Variants in COL23A1 observed in about 807,000 individuals in gnomAD.
COL23A1 encodes the protein collagen alpha-1(XXIII) chain.
A neutral mutation model predicts 99.3 loss-of-function variants in COL23A1; 97 were observed. The observed-to-expected ratio is 0.98, with a 90% CI of 0.83 to 1.16. The LOEUF is 1.16. Among genes scored for constraint, COL23A1 ranks in the 50% most tolerant of loss-of-function variants. The pLI, the probability that COL23A1 is intolerant of heterozygous loss-of-function variation, is 0.00. For missense variants in COL23A1, 762 were observed against 757.4 expected (o/e 1.01, Z -0.07); for synonymous variants, 320 against 308.2 (o/e 1.04, Z -0.40).
chr5:178,263,559 C>T (rs1765753175), intron 8 of COL23A1, among the ~76,000 whole-genome samples: 1 of 152,174 alleles, frequency 6.6e-6, no homozygotes, highest in African/African-American at 2.4e-5. Context: ...AAGGAATGTG[C>T]CAGCTCTCCA....
chr5:178,286,607 A>T (rs1160466499), intron 5 of COL23A1, among the ~76,000 whole-genome samples: 1 of 152,190 alleles, frequency 6.6e-6, no homozygotes, highest in Non-Finnish European at 1.5e-5. Context: ...TGAGCTGCAG[A>T]GATGAGAGCC....
At chr5:178,535,118 G>A (rs73342699) in intron 2 of COL23A1, among the ~76,000 whole-genome samples, 2,083 of 151,808 alleles carry the variant, frequency 0.014, 49 homozygotes, top group African/African-American at 0.048. Context: ...GATTACAGGC[G>A]CCTGCTACCA....
intron 2 of COL23A1, among the ~76,000 whole-genome samples, chr5:178,471,223 G>A (rs1263466031): frequency 1.4e-5 from 2 of 145,612 alleles, no homozygotes; most frequent in African/African-American, 5.0e-5. Context: ...TCACCCCTGA[G>A]TAATCATGCG....
At chr5:178,358,281 TGC>T (rs1364887418) in intron 2 of COL23A1, among the ~76,000 whole-genome samples, 11 of 149,006 alleles carry the variant, frequency 7.4e-5, no homozygotes, top group African/African-American at 2.5e-4. Context: ...TATGTGTGTA[TGC>T]GTGTGCGTAT....
chr5:178,538,372 G>A (rs1562066900), intron 2 of COL23A1, among the ~76,000 whole-genome samples: 2 of 152,078 alleles, frequency 1.3e-5, no homozygotes, highest in South Asian at 2.1e-4. Context: ...TAAAATGATG[G>A]GGTAGAAAAA....
Position 178,430,596 on chromosome 5 carries a change from C to T in COL23A1, c.362-123677G>A, listed in dbSNP as rs1487494631. On this transcript the variant is annotated intron_variant, in intron 2 of 28. Transcript: ENST00000390654. ...CAGCAGAGTGAGCACAGAGTGTGAGCGTGCAGAGAATACTGGGCTCCTGCC... is the reference window on the plus strand; with the variant it reads ...CAGCAGAGTGAGCACAGAGTGTGAGTGTGCAGAGAATACTGGGCTCCTGCC... Among the ~76,000 whole-genome samples the T allele has an allele frequency of 3.3e-5, 5 of 152,146 alleles. No individual in the cohort carries two copies. In the East Asian group the frequency reaches 9.6e-4, roughly 29 times the overall value.
intron 2 of COL23A1, among the ~76,000 whole-genome samples, chr5:178,404,502 G>A (rs1764642892): frequency 1.6e-5 from 2 of 124,660 alleles, no homozygotes; most frequent in Admixed American, 1.7e-4. Flanking sequence ...ACAGACAAAG[G>A]CACCAAGGCA....
chr5:178,478,808 T>C (rs972381020), intron 2 of COL23A1, among the ~76,000 whole-genome samples: 5 of 152,124 alleles, frequency 3.3e-5, no homozygotes, highest in Admixed American at 1.3e-4. Context: ...GCCTTCTGGG[T>C]GCCCTCTTGC....
intron 2 of COL23A1, among the ~76,000 whole-genome samples, chr5:178,332,788 G>C (rs1214535440): frequency 1.3e-5 from 2 of 152,050 alleles, no homozygotes; most frequent in African/African-American, 4.8e-5. Flanking sequence ...GACACCAGGA[G>C]TAGGGGACTG....
In COL23A1 at chr5:178,372,562, C is replaced by T. The variant is rs148411352; in HGVS notation, c.362-65643G>A. ...AGAGGGTGAGGTGGAGAGTGACAGC[C>T]CAGCTTCCGATTTCTTTTTTCCTTT... On this transcript the variant is annotated intron_variant, in intron 2 of 28. Coordinates refer to ENST00000390654, the MANE Select transcript of COL23A1 (RefSeq NM_173465.4). Among the ~76,000 whole-genome samples, 213 of 152,268 alleles carry T rather than the reference C, an allele frequency of 1.4e-3. 4 individuals are homozygous for T. The South Asian group carries it at 0.031, about 22-fold the overall frequency.
intron 2 of COL23A1, among the ~76,000 whole-genome samples, chr5:178,333,119 A>T (rs2913790): frequency 6.6e-6 from 1 of 151,724 alleles, no homozygotes; most frequent in Non-Finnish European, 1.5e-5. Context: ...CACCGTGCCC[A>T]GCTAATTTTT....
intron 2 of COL23A1, among the ~76,000 whole-genome samples, chr5:178,525,060 C>T (rs899695952): frequency 9.3e-5 from 14 of 150,038 alleles, no homozygotes; most frequent in African/African-American, 3.2e-4. Flanking sequence ...CGACACAGCG[C>T]GCAGACCCCA....
chr5:178,411,288 C>A (rs1447473610), intron 2 of COL23A1, among the ~76,000 whole-genome samples: 1 of 152,174 alleles, frequency 6.6e-6, no homozygotes, highest in Non-Finnish European at 1.5e-5. Context: ...CCAGCAAATT[C>A]ACTCCCTGTT....
intron 27 of COL23A1, 146 bp from the exon 28 acceptor site, chr5:178,239,325 G>A: frequency 3.6e-6 from 3 of 838,522 alleles, no homozygotes; most frequent in Non-Finnish European, 4.0e-6. Context: ...GGGGCACAAT[G>A]CCTCCTCTGT....
In COL23A1 at chr5:178,590,320, G is replaced by T; in HGVS notation, c.-123C>A. 3.4e-6 allele frequency: 3 copies of T among 884,670 alleles called. No homozygotes were observed. Among genetic ancestry groups the T allele is most frequent in the Non-Finnish European group, 2.9e-6 (2 of 693,824 alleles). 54.8% of individuals were successfully genotyped at this position (884,670 alleles called of 1,614,324 possible). A position where few individuals can be genotyped will look rare whatever the true frequency, so the allele number is the denominator to read the frequency against. On this transcript the variant is annotated 5_prime_UTR_variant, in exon 1 of 29. Coordinates refer to ENST00000390654, the MANE Select transcript of COL23A1 (RefSeq NM_173465.4). This position sits in a 1 kb window ranked among gnomAD's most constrained non-coding sequence, Gnocchi z 5.7. ...CCGCCGGGCGCGGGGGTTAGCCTCCGGGTAGCAGCGGATCGCCGCGCACGC... is the reference window on the plus strand; with the variant it reads ...CCGCCGGGCGCGGGGGTTAGCCTCCTGGTAGCAGCGGATCGCCGCGCACGC...
At chr5:178,254,311 T>C (rs937676876) in intron 16 of COL23A1, among the ~76,000 whole-genome samples, 1 of 152,200 alleles carries the variant, frequency 6.6e-6, no homozygotes, top group African/African-American at 2.4e-5. Flanking sequence ...CATGCATGCC[T>C]GGGGGTGGGT....
intron 2 of COL23A1, among the ~76,000 whole-genome samples, chr5:178,528,764 C>G (rs769318650): frequency 1.3e-5 from 2 of 152,228 alleles, no homozygotes; most frequent in South Asian, 2.1e-4. Context: ...GCGCTGAGAT[C>G]GCGCCATTGC....
chr5:178,288,617 C>T (rs1301231992), intron 4 of COL23A1: 2 of 587,450 alleles, frequency 3.4e-6, no homozygotes, highest in South Asian at 2.1e-5. Flanking sequence ...CCCACGCTGG[C>T]CAGGCATAGG....
intron 2 of COL23A1, among the ~76,000 whole-genome samples, chr5:178,329,662 T>G (rs1759894153): frequency 6.6e-6 from 1 of 152,124 alleles, no homozygotes; most frequent in African/African-American, 2.4e-5. Flanking sequence ...CACACATGGC[T>G]GGGCCCAGTG....
Sources: allele counts gnomAD v4.1 joint callset (sites outside exome capture counted in the v4.1 genomes callset), GRCh38; gene constraint gnomAD v4.1.1; non-coding constraint Gnocchi (gnomAD v3.1); transcripts MANE v1.5; gene names NCBI Gene and HGNC (gene_info 2026-07-23, HGNC 2026-07-21).